LIPJ: variants seen among roughly 807,000 people sequenced by gnomAD.
LIPJ encodes the protein lipase member J.
LIPJ carries 33 observed loss-of-function variants against 39.8 expected under a neutral mutation model. The ratio of observed to expected loss-of-function variants is 0.83; its 90% CI spans 0.63 to 1.11. The LOEUF is 1.11. Ranked by LOEUF, LIPJ falls within the 50% of genes least tolerant of loss-of-function variation. The pLI is 0.00. For synonymous variants in LIPJ, 128 were observed against 139.2 expected (o/e 0.92, Z 0.57); for missense variants, 422 against 427.9 (o/e 0.99, Z 0.12).
chr10:88,601,917 G>A (rs1397599634), intron 8 of LIPJ, among the ~76,000 whole-genome samples: 1 of 152,104 alleles, frequency 6.6e-6, no homozygotes, highest in Non-Finnish European at 1.5e-5. Flanking sequence ...CAAGGCACCT[G>A]AGGTCACTTT....
upstream of LIPJ, chr10:88,583,454 C>T: frequency 7.5e-7 from 1 of 1,329,386 alleles, no homozygotes; most frequent in Non-Finnish European, 9.6e-7. Context: ...GGCCGGGCGC[C>T]CTGCCCCTCG....
intron 2 of LIPJ, among the ~76,000 whole-genome samples, chr10:88,588,208 ATTAT>A (rs1479952200): frequency 2.0e-5 from 3 of 151,904 alleles, no homozygotes; most frequent in African/African-American, 7.2e-5. Context: ...CTATGACAAA[ATTAT>A]TTATCTTTTT....
At chr10:88,583,383 G>A (rs531052114), upstream of LIPJ, 241 of 1,387,224 alleles carry the variant, frequency 1.7e-4, no homozygotes, top group Middle Eastern at 3.5e-3. Context: ...AGGCCCCTCC[G>A]TCCTTGAGGA....
intron 8 of LIPJ, among the ~76,000 whole-genome samples, chr10:88,601,942 A>G (rs1386929030): frequency 6.6e-6 from 1 of 152,138 alleles, no homozygotes; most frequent in African/African-American, 2.4e-5. Flanking sequence ...TCAGTACTCT[A>G]CATGTCTGGT....
chr10:88,590,784 G>A, intron 3 of LIPJ, 88 bp downstream of exon 3: 2 of 940,952 alleles, frequency 2.1e-6, no homozygotes, highest in Non-Finnish European at 3.4e-6. Flanking sequence ...TAGATTTACA[G>A]TCAAACGTAT....
chr10:88,615,650 AAC>A, the LIPJ span, among the ~76,000 whole-genome samples: 12,530 of 130,190 alleles, frequency 0.096, 1,196 homozygotes, highest in East Asian at 0.24. Flanking sequence ...AAAAAAAAAA[AAC>A]AGAAAGAAAT....
the LIPJ span, among the ~76,000 whole-genome samples, chr10:88,615,164 T>C: frequency 6.6e-6 from 1 of 152,176 alleles, no homozygotes; most frequent in Non-Finnish European, 1.5e-5. Flanking sequence ...GGCTGGTAAA[T>C]TGAATTATAT....
At chr10:88,614,477 A>G in the LIPJ span, among the ~76,000 whole-genome samples, 1 of 152,162 alleles carries the variant, frequency 6.6e-6, no homozygotes, top group Non-Finnish European at 1.5e-5. Flanking sequence ...GTAGCATCAG[A>G]AGTATGAAAT....
the LIPJ span, among the ~76,000 whole-genome samples, chr10:88,618,047 G>A: frequency 1.3e-5 from 2 of 151,936 alleles, no homozygotes; most frequent in African/African-American, 2.4e-5. Flanking sequence ...TAATGCTTTC[G>A]GGCCTGGAAA....
rs183624098 is a variant in LIPJ at position 88,597,166 on chromosome 10, G to A, written c.723+230G>A. On this transcript the variant is annotated intron_variant, in intron 8 of 10. Coordinates refer to ENST00000371939, the Ensembl canonical transcript of LIPJ. Reference sequence around the variant, plus strand: ...TTTGTCTTGCTGTCTGTAAATATTCGAGAGCAGCTGATGTGATGGGTATCT... The same window carrying A: ...TTTGTCTTGCTGTCTGTAAATATTCAAGAGCAGCTGATGTGATGGGTATCT... Among the ~76,000 whole-genome samples the A allele has an allele frequency of 8.6e-5, 13 of 151,704 alleles. No individual in the cohort carries two copies. The South Asian group carries it at 1.9e-3, about 22-fold the overall frequency.
intron 8 of LIPJ, among the ~76,000 whole-genome samples, chr10:88,597,553 T>C (rs1851299400): frequency 6.6e-6 from 1 of 151,894 alleles, no homozygotes; most frequent in South Asian, 2.1e-4. Flanking sequence ...GACTAGAGGT[T>C]GGTTCTTGTA....
exon 5 of LIPJ, chr10:88,594,042 C>T (rs146346346): frequency 6.2e-7 from 1 of 1,612,236 alleles, no homozygotes; most frequent in Admixed American, 1.7e-5. Flanking sequence ...TTCATTCTGG[C>T]AGATGCTGGT....
chr10:88,588,529 GT>G (rs1248207330), intron 2 of LIPJ, among the ~76,000 whole-genome samples: 1 of 151,824 alleles, frequency 6.6e-6, no homozygotes. Context: ...TCTAGTAGCA[GT>G]TTATTAAGGT....
upstream of LIPJ, chr10:88,583,809 C>G (rs1298690742): frequency 6.8e-6 from 5 of 730,342 alleles, no homozygotes; most frequent in East Asian, 6.6e-4. Flanking sequence ...GTATACCTTT[C>G]AAACTTGTAA....
intron 5 of LIPJ, among the ~76,000 whole-genome samples, 191 bp from the exon 6 acceptor site, chr10:88,594,476 C>T (rs928361877): frequency 6.6e-6 from 1 of 151,770 alleles, no homozygotes; most frequent in Admixed American, 6.6e-5. Flanking sequence ...ATAAGACTGC[C>T]TTGTGATTTT....
At chr10:88,615,870 A>G in the LIPJ span, among the ~76,000 whole-genome samples, 1 of 152,188 alleles carries the variant, frequency 6.6e-6, no homozygotes, top group African/African-American at 2.4e-5. Context: ...TGTTCAGAGC[A>G]ACATTATTCA....
chr10:88,598,096 A>T (rs959775266), intron 8 of LIPJ, among the ~76,000 whole-genome samples: 2 of 151,988 alleles, frequency 1.3e-5, no homozygotes, highest in African/African-American at 4.8e-5. Context: ...CTGAAATTGT[A>T]GGAAGTTGGA....
At chr10:88,610,746 G>C (rs979969955), downstream of LIPJ, among the ~76,000 whole-genome samples, 3 of 152,174 alleles carry the variant, frequency 2.0e-5, no homozygotes, top group African/African-American at 7.2e-5. Context: ...GTAGTCAGTT[G>C]ATCTTTAACA....
At chr10:88,601,005 G>A (rs919655204) in intron 8 of LIPJ, among the ~76,000 whole-genome samples, 5 of 151,996 alleles carry the variant, frequency 3.3e-5, no homozygotes, top group African/African-American at 4.8e-5. Flanking sequence ...CTGGAGTGCA[G>A]TGGTGCAATC....
Sources: allele counts gnomAD v4.1 joint callset (sites outside exome capture counted in the v4.1 genomes callset), GRCh38; gene constraint gnomAD v4.1.1; transcripts MANE v1.5; gene names NCBI Gene and HGNC (gene_info 2026-07-23, HGNC 2026-07-21).